RERG: variants seen among roughly 807,000 people sequenced by gnomAD.
The protein encoded by RERG is RAS like estrogen regulated growth inhibitor, also known as ras-related and estrogen-regulated growth inhibitor.
RERG carries 25 observed loss-of-function variants against 23.2 expected under a neutral mutation model. That is an observed-to-expected ratio of 1.08 (90% confidence interval 0.79 to 1.50). The LOEUF (loss-of-function observed/expected upper bound fraction) is 1.50. Among genes scored for constraint, RERG ranks in the 40% most tolerant of loss-of-function variants. The pLI is 0.00. For missense variants in RERG, 253 were observed against 250.1 expected (o/e 1.01, Z -0.08); for synonymous variants, 81 against 89.1 (o/e 0.91, Z 0.51).
chr12:15,148,837 C>A (rs1410346545), intron 2 of RERG, among the ~76,000 whole-genome samples: 1 of 116,510 alleles, frequency 8.6e-6, no homozygotes, highest in African/African-American at 3.1e-5. Flanking sequence ...ATTTGCAGTC[C>A]TTTAACTCTG....
chr12:15,212,289 G>A lies in RERG; in HGVS notation c.61+5140C>T, dbSNP rs529649046. Among the ~76,000 whole-genome samples the A allele has an allele frequency of 2.3e-4, 34 of 150,858 alleles. No individual in the cohort carries two copies. In the South Asian group the frequency reaches 4.0e-3, roughly 18 times the overall value. ...TTAGCCAGGATGGTCTCGATCTCCT[G>A]ACCTCATGATCCACCCGCCTCGGCC... On this transcript the variant is annotated intron_variant, in intron 2 of 4. Coordinates refer to ENST00000256953, the MANE Select transcript of RERG (RefSeq NM_032918.3).
At chr12:15,214,411 C>A (rs2136149797) in intron 2 of RERG, among the ~76,000 whole-genome samples, 1 of 152,272 alleles carries the variant, frequency 6.6e-6, no homozygotes, top group African/African-American at 2.4e-5. Flanking sequence ...GTCTTATTTA[C>A]CCCCAATTCC....
chr12:15,213,993 AGTATGTGT>A (rs1370820767), intron 2 of RERG, among the ~76,000 whole-genome samples: 4 of 89,326 alleles, frequency 4.5e-5, no homozygotes, highest in East Asian at 3.0e-4. Context: ...AAACAGAGAA[AGTATGTGT>A]GTGTGTGTGT....
At chr12:15,207,094 A>T (rs1336048204) in intron 2 of RERG, among the ~76,000 whole-genome samples, 1 of 152,260 alleles carries the variant, frequency 6.6e-6, no homozygotes, top group South Asian at 2.1e-4. Flanking sequence ...TTTGTTAACC[A>T]GTTGTAAGTT....
At chr12:15,128,121 G>A (rs1320701888) in intron 2 of RERG, among the ~76,000 whole-genome samples, 1 of 151,818 alleles carries the variant, frequency 6.6e-6, no homozygotes, top group Non-Finnish European at 1.5e-5. Flanking sequence ...TTTTTAACGT[G>A]AGCGTACATC....
intron 2 of RERG, among the ~76,000 whole-genome samples, chr12:15,139,881 G>A (rs932428443): frequency 1.3e-4 from 20 of 152,096 alleles, no homozygotes; most frequent in Admixed American, 9.2e-4. Context: ...GGATATCCTT[G>A]CCTTGTTTAT....
chr12:15,154,310 C>T (rs1864489157), intron 2 of RERG: 1 of 152,234 alleles, frequency 6.6e-6, no homozygotes, highest in African/African-American at 2.4e-5. Context: ...CGGTTCAGTT[C>T]TGGACAACCT....
chr12:15,121,236 G>A, intron 2 of RERG, 117 bp from the exon 3 acceptor site: 1 of 705,078 alleles, frequency 1.4e-6, no homozygotes, highest in Non-Finnish European at 2.4e-6. Flanking sequence ...ATATTTCCTT[G>A]ATATATAAAA....
intron 2 of RERG, among the ~76,000 whole-genome samples, chr12:15,169,613 C>T (rs955244886): frequency 6.6e-6 from 1 of 152,184 alleles, no homozygotes; most frequent in Non-Finnish European, 1.5e-5. Flanking sequence ...TGGAACCACA[C>T]AGCCTCTGCC....
chr12:15,204,566 A>G (rs1486606660), intron 2 of RERG, among the ~76,000 whole-genome samples: 1 of 151,792 alleles, frequency 6.6e-6, no homozygotes, highest in Non-Finnish European at 1.5e-5. Flanking sequence ...AGATAATACA[A>G]TTTTGAAATA....
chr12:15,116,417 A>G (rs1317942491), intron 3 of RERG, among the ~76,000 whole-genome samples: 1 of 152,234 alleles, frequency 6.6e-6, no homozygotes, highest in African/African-American at 2.4e-5. Flanking sequence ...TAAATAGGGT[A>G]TGTATTTCAA....
chr12:15,121,123 T>C lies in RERG; in HGVS notation c.62-4A>G. On this transcript the variant is annotated splice_polypyrimidine_tract_variant and splice_region_variant and intron_variant, in intron 2 of 4. Coordinates refer to ENST00000256953, the MANE Select transcript of RERG (RefSeq NM_032918.3). ...GTCAGAAATCTCACTACAAGAGCTG[T>C]GGAAGAAAAGAGCAACATTTCAAAA... 6.2e-6 allele frequency: 10 copies of C among 1,612,126 alleles called. No homozygotes were observed. The highest frequency in any genetic ancestry group is 8.5e-6 in the Non-Finnish European group (10 of 1,178,478).
intron 2 of RERG, among the ~76,000 whole-genome samples, chr12:15,124,339 T>A (rs956001850): frequency 6.6e-6 from 1 of 152,100 alleles, no homozygotes; most frequent in Non-Finnish European, 1.5e-5. Context: ...AATAATATTT[T>A]AAAATGAAAA....
intron 2 of RERG, among the ~76,000 whole-genome samples, chr12:15,161,206 GAAAGAAAGAAA>G (rs1864607474): frequency 2.1e-5 from 3 of 143,442 alleles, no homozygotes; most frequent in African/African-American, 7.8e-5. Context: ...AAGAAAGAAA[GAAAGAAAGAAA>G]GAAAGAAAGA....
intron 2 of RERG, among the ~76,000 whole-genome samples, chr12:15,181,930 C>G (rs35401286): frequency 0.062 from 9,492 of 152,236 alleles, 391 homozygotes; most frequent in East Asian, 0.2. Context: ...CAACCACTGA[C>G]CACTGGCAGG....
At chr12:15,211,787 C>T (rs1447293344) in intron 2 of RERG, among the ~76,000 whole-genome samples, 1 of 152,114 alleles carries the variant, frequency 6.6e-6, no homozygotes, top group African/African-American at 2.4e-5. Flanking sequence ...AAATTATACT[C>T]TATAAACATT....
At chr12:15,147,284 A>C (rs113095458) in intron 2 of RERG, among the ~76,000 whole-genome samples, 24 of 152,360 alleles carry the variant, frequency 1.6e-4, no homozygotes, top group Non-Finnish European at 3.2e-4. Flanking sequence ...ATTAAAATCC[A>C]GGTTTGCAAA....
intron 2 of RERG, among the ~76,000 whole-genome samples, chr12:15,214,697 A>T (rs1231354070): frequency 6.6e-6 from 1 of 152,200 alleles, no homozygotes; most frequent in African/African-American, 2.4e-5. Context: ...ATTGTTGCAT[A>T]TGAGCCAGGT....
chr12:15,115,614 T>TAACC (rs565494164), intron 3 of RERG, among the ~76,000 whole-genome samples: 129 of 152,208 alleles, frequency 8.5e-4, no homozygotes, highest in Middle Eastern at 3.4e-3. Flanking sequence ...CCCAAATCAT[T>TAACC]AACCAACCAA....
Sources: gnomAD v4.1 joint callset for allele counts (sites outside exome capture counted in the v4.1 genomes callset) on GRCh38, gnomAD v4.1.1 for gene constraint, MANE v1.5 for transcripts, NCBI Gene and HGNC (gene_info 2026-07-23, HGNC 2026-07-21) for gene names.